The following NRCAM variants were observed in gnomAD, a reference collection of about 807,000 sequenced individuals.
NRCAM encodes the protein neuronal cell adhesion molecule, also known as NgCAM-related cell adhesion molecule.
Under a neutral mutation model 156.5 loss-of-function variants are expected in NRCAM, and 83 were observed. The observed-to-expected ratio is 0.53, with a 90% CI of 0.44 to 0.64. The LOEUF (loss-of-function observed/expected upper bound fraction) is 0.64, where lower values mean the gene tolerates loss of function less well. NRCAM is among the 30% of genes least tolerant of loss of function. NRCAM has a pLI of 0.00. For synonymous variants in NRCAM, 538 were observed against 563.9 expected (o/e 0.95, Z 0.65); for missense variants, 1,417 against 1,597.3 (o/e 0.89, Z 1.92).
intron 2 of NRCAM, among the ~76,000 whole-genome samples, chr7:108,386,492 T>G (rs1013609479): frequency 1.3e-5 from 2 of 152,182 alleles, no homozygotes; most frequent in Admixed American, 1.3e-4. Context: ...ATCTAATACT[T>G]GTATTTTAAC....
At chr7:108,254,255 G>C (rs1156375667) in intron 3 of NRCAM, among the ~76,000 whole-genome samples, 1 of 152,034 alleles carries the variant, frequency 6.6e-6, no homozygotes, top group Non-Finnish European at 1.5e-5. Context: ...ACAACATGTA[G>C]AAAAACTAAG....
intron 20 of NRCAM, among the ~76,000 whole-genome samples, chr7:108,185,500 C>T (rs1289933953): frequency 6.6e-6 from 1 of 152,014 alleles, no homozygotes; most frequent in African/African-American, 2.4e-5. Flanking sequence ...CTTTGGGAGA[C>T]CCAGGTGGAT....
At chr7:108,377,709 T>G (rs1358624453) in intron 2 of NRCAM, among the ~76,000 whole-genome samples, 1 of 152,266 alleles carries the variant, frequency 6.6e-6, no homozygotes, top group African/African-American at 2.4e-5. Context: ...CCACTGAGAA[T>G]TGACAGCACT....
chr7:108,197,086 G>A (rs1219033450), intron 14 of NRCAM, among the ~76,000 whole-genome samples: 1 of 152,092 alleles, frequency 6.6e-6, no homozygotes, highest in South Asian at 2.1e-4. Flanking sequence ...CCTGGAGGAT[G>A]TTGTGTTAAG....
intron 2 of NRCAM, among the ~76,000 whole-genome samples, chr7:108,318,215 T>C (rs906777014): frequency 6.6e-5 from 10 of 151,494 alleles, no homozygotes; most frequent in Non-Finnish European, 1.5e-4. Flanking sequence ...CCGGCTAATT[T>C]TTTGCATTTT....
At chr7:108,233,738 A>G (rs2094583356) in intron 6 of NRCAM, among the ~76,000 whole-genome samples, 1 of 152,192 alleles carries the variant, frequency 6.6e-6, no homozygotes, top group Non-Finnish European at 1.5e-5. Context: ...TCTGTAATAG[A>G]CAAACCTGGA....
intron 1 of NRCAM, among the ~76,000 whole-genome samples, chr7:108,413,556 T>A (rs1797982877): frequency 6.6e-6 from 1 of 151,942 alleles, no homozygotes; most frequent in Non-Finnish European, 1.5e-5. Context: ...AAGCCCTCCT[T>A]GATTAATTAC....
chr7:108,296,953 GA>G lies in NRCAM; in HGVS notation c.-107+15711del, dbSNP rs147924392. Among the ~76,000 whole-genome samples the G allele has an allele frequency of 5.7e-3, 871 of 152,218 alleles. 8 individuals are homozygous for G. The highest frequency in any genetic ancestry group is 0.02 in the African/African-American group (814 of 41,522). Reference sequence around the variant, plus strand: ...CCTGAGCAATGCATTCTTTTAACCCGAAAGAGGGTACTAGGCAAAAAAATTA... The same window carrying G: ...CCTGAGCAATGCATTCTTTTAACCCGAAGAGGGTACTAGGCAAAAAAATTA... On this transcript the variant is annotated intron_variant, in intron 3 of 32. Transcript: ENST00000379028.
chr7:108,281,911 G>A (rs1159995334), intron 3 of NRCAM, among the ~76,000 whole-genome samples: 2 of 152,230 alleles, frequency 1.3e-5, no homozygotes, highest in Admixed American at 1.3e-4. Flanking sequence ...TGAAGTAAGT[G>A]TCTGAGATTT....
At chr7:108,216,818 C>A (rs924168126) in intron 11 of NRCAM, among the ~76,000 whole-genome samples, 6 of 152,044 alleles carry the variant, frequency 3.9e-5, no homozygotes, top group Non-Finnish European at 8.8e-5. Flanking sequence ...TTCCTCTAAC[C>A]TTTTTTCAAG....
At position 108,353,785 on chromosome 7, in the gene NRCAM, T is replaced by G. The variant is rs186751693; in HGVS notation, c.-173-41054A>C. ...GAATAAATGAATACATGAATGAGTT[T>G]TCCACCATGTGCTAGGCATTGTGCA... On this transcript the variant is annotated intron_variant, in intron 2 of 32. Transcript: ENST00000379028. 3.7e-3 allele frequency among the ~76,000 whole-genome samples: 562 copies of G among 152,388 alleles called. 2 individuals carry two copies. The highest frequency in any genetic ancestry group is 6.4e-3 in the Non-Finnish European group (434 of 68,036).
chr7:108,227,428 C>T (rs953488632), intron 8 of NRCAM, among the ~76,000 whole-genome samples: 1 of 152,126 alleles, frequency 6.6e-6, no homozygotes, highest in Non-Finnish European at 1.5e-5. Flanking sequence ...ATTAGCATAC[C>T]CATCACCTTA....
At position 108,255,246 on chromosome 7, in the gene NRCAM, C is replaced by G. The variant is rs183068192; in HGVS notation, c.-106-15076G>C. Among the ~76,000 whole-genome samples, 330 of 150,396 alleles carry G rather than the reference C, an allele frequency of 2.2e-3. 1 individual carries two copies. Among genetic ancestry groups the G allele is most frequent in the African/African-American group, 7.7e-3 (318 of 41,052 alleles). ...AGGCTGGACTGTACTGCCGCCATCT[C>G]GGCTCACTGCAAACTCCCTGCCTGA... is the stretch of plus-strand genomic sequence containing the variant. On this transcript the variant is annotated intron_variant, in intron 3 of 32. Transcript: ENST00000379028.
At chr7:108,313,903 A>G (rs2098841025) in intron 2 of NRCAM, among the ~76,000 whole-genome samples, 1 of 152,210 alleles carries the variant, frequency 6.6e-6, no homozygotes, top group African/African-American at 2.4e-5. Flanking sequence ...CACTTAATAC[A>G]TATCCGCCAA....
intron 2 of NRCAM, among the ~76,000 whole-genome samples, chr7:108,315,395 G>A (rs573850108): frequency 6.6e-6 from 1 of 152,000 alleles, no homozygotes; most frequent in East Asian, 1.9e-4. Flanking sequence ...GTTTCTCTAG[G>A]GTATGCCTGT....
intron 2 of NRCAM, among the ~76,000 whole-genome samples, chr7:108,351,541 C>A (rs2099412680): frequency 6.6e-6 from 1 of 152,186 alleles, no homozygotes; most frequent in African/African-American, 2.4e-5. Context: ...TCAGGGCTCT[C>A]TCCACTGAGT....
chr7:108,384,512 T>C (rs1486284925), intron 2 of NRCAM, among the ~76,000 whole-genome samples: 1 of 151,948 alleles, frequency 6.6e-6, no homozygotes, highest in Non-Finnish European at 1.5e-5. Flanking sequence ...CTGTTAAGAG[T>C]CCTCTTCAAA....
rs183907514 is a variant in NRCAM, at chr7:108,359,475, G to A, written c.-174+39961C>T. Among the ~76,000 whole-genome samples, 9 of 152,222 alleles carry A rather than the reference G, an allele frequency of 5.9e-5. No individual in the cohort carries two copies. The East Asian group carries it at 9.6e-4, about 16-fold the overall frequency. On this transcript the variant is annotated intron_variant, in intron 2 of 32. Transcript: ENST00000379028. ...ACTTGGTGATTGGCAATGGGAGATGGGAAGACATTCCTAACTAAAGAAAAG... is the reference window on the plus strand; with the variant it reads ...ACTTGGTGATTGGCAATGGGAGATGAGAAGACATTCCTAACTAAAGAAAAG...
chr7:108,430,644 A>G lies in NRCAM; in HGVS notation c.-332+25599T>C, dbSNP rs78916121. Among the ~76,000 whole-genome samples, 1,025 of 152,252 alleles carry G rather than the reference A, an allele frequency of 6.7e-3. 7 individuals carry two copies. The highest frequency in any genetic ancestry group is 0.024 in the African/African-American group (981 of 41,536). On this transcript the variant is annotated intron_variant, in intron 1 of 32. Transcript: ENST00000379028. ...TAGTGGCTAGAACCAAGTAAATTCA[A>G]ATATTCTCTCAGTCATCCAAAATAA...
Sources: gnomAD v4.1 joint callset for allele counts (sites outside exome capture counted in the v4.1 genomes callset) on GRCh38, gnomAD v4.1.1 for gene constraint, MANE v1.5 for transcripts, NCBI Gene and HGNC (gene_info 2026-07-23, HGNC 2026-07-21) for gene names.